The following BCL11B variants were observed in gnomAD, a reference collection of about 807,000 sequenced individuals.
BCL11B encodes B-cell lymphoma/leukemia 11B.
Under a neutral mutation model 49.9 loss-of-function variants are expected in BCL11B, and 8 were observed. The ratio of observed to expected loss-of-function variants is 0.16; its 90% CI spans 0.09 to 0.29. The LOEUF is 0.29. BCL11B is among the 10% of genes least tolerant of loss of function. The pLI is 1.00. For missense variants in BCL11B, 1,006 were observed against 1,351.0 expected (o/e 0.74, Z 4.00); for synonymous variants, 739 against 637.4 (o/e 1.16, Z -2.40).
At chr14:99,234,165 G>A (rs1326268057) in intron 2 of BCL11B, among the ~76,000 whole-genome samples, 1 of 152,114 alleles carries the variant, frequency 6.6e-6, no homozygotes, top group Non-Finnish European at 1.5e-5. Context: ...GCCAGTAGGG[G>A]TGTGAGGGGT....
intron 2 of BCL11B, among the ~76,000 whole-genome samples, chr14:99,254,452 G>T (rs1250938501): frequency 2.0e-5 from 3 of 152,150 alleles, no homozygotes; most frequent in African/African-American, 4.8e-5. Context: ...GAAGCACCTG[G>T]TAGCAAGGAA....
chr14:99,218,033 CTG>C (rs1248115285), intron 3 of BCL11B, among the ~76,000 whole-genome samples: 3 of 147,148 alleles, frequency 2.0e-5, no homozygotes, highest in Admixed American at 2.0e-4. Flanking sequence ...CTATTCAACT[CTG>C]TTAATTCTCA....
Position 99,175,219 on chromosome 14 carries a change from C to G in BCL11B, c.1617G>C (p.Glu539Asp), listed in dbSNP as rs376168981. ...EPEEEDEEEE[E>D]EEEELLLENE... The stretch of plus-strand genomic sequence containing the variant: ...TCTCCAGTAGCAGCTCCTCCTCCTC[C>G]TCCTCCTCCTCCTCGTCCTCCTCCT... The change falls in exon 4 of 4, where the codon GAG (glutamate) becomes GAC (aspartate). Residue 539 changes from glutamate (E) to aspartate (D), a missense_variant. This residue lies in a region of BCL11B where 443 missense variants were observed against 499.7 expected (regional missense o/e 0.89). Transcript: ENST00000357195. 5 of 1,550,786 alleles carry G rather than the reference C, an allele frequency of 3.2e-6. No individual in the cohort carries two copies. Among genetic ancestry groups the G allele is most frequent in the Admixed American group, 1.9e-5 (1 of 51,974 alleles).
intron 2 of BCL11B, among the ~76,000 whole-genome samples, chr14:99,250,874 A>AC (rs1333379693): frequency 6.6e-6 from 1 of 151,272 alleles, no homozygotes; most frequent in Non-Finnish European, 1.5e-5. Flanking sequence ...AGAGAAAAAA[A>AC]AAACACCCAT....
intron 3 of BCL11B, among the ~76,000 whole-genome samples, chr14:99,220,017 C>T (rs1298226609): frequency 6.6e-6 from 1 of 152,136 alleles, no homozygotes; most frequent in Non-Finnish European, 1.5e-5. Flanking sequence ...CTAACTTGGA[C>T]CAGTTGTTGC....
At chr14:99,177,941 G>A (rs1444740196) in intron 3 of BCL11B, among the ~76,000 whole-genome samples, 4 of 152,102 alleles carry the variant, frequency 2.6e-5, no homozygotes, top group Non-Finnish European at 5.9e-5. Context: ...AAGTGACTCG[G>A]GGACCAAATA....
chr14:99,221,922 C>CT (rs972384340), intron 3 of BCL11B, among the ~76,000 whole-genome samples: 19 of 152,172 alleles, frequency 1.2e-4, no homozygotes, highest in African/African-American at 4.3e-4. Flanking sequence ...GAAGGAAGAC[C>CT]TGGGGGATCC....
chr14:99,271,089 G>A, intron 1 of BCL11B, 72 bp downstream of exon 1: 7 of 1,429,906 alleles, frequency 4.9e-6, no homozygotes, highest in Non-Finnish European at 6.4e-6. Flanking sequence ...GCTGTTCCGG[G>A]CTCGGTGTCC....
chr14:99,230,462 T>G (rs762909496), intron 3 of BCL11B, among the ~76,000 whole-genome samples: 2 of 152,158 alleles, frequency 1.3e-5, no homozygotes, highest in African/African-American at 2.4e-5. Flanking sequence ...AGCATCCTGG[T>G]TTGCGTGGCC....
chr14:99,218,746 T>A (rs1887926792), intron 3 of BCL11B, among the ~76,000 whole-genome samples: 1 of 152,028 alleles, frequency 6.6e-6, no homozygotes. Context: ...AAATAAGCTG[T>A]CCACAGCTAG....
rs1889201013 is a variant in BCL11B, at chr14:99,257,516, G to A, written c.382C>T (p.Leu128Phe). Residue 128 changes from leucine (L) to phenylalanine (F), a missense_variant, in exon 2 of 4, where the codon CTC becomes TTC. Physicochemically the swap from Leu to Phe is conservative, Grantham distance 22. This residue lies in a region of BCL11B where 411 missense variants were observed against 542.2 expected (regional missense o/e 0.76). Transcript: ENST00000357195. The surrounding 1 kb of genome is among the most constrained non-coding windows in gnomAD (Gnocchi z 6.2). Reference sequence around the variant, plus strand: ...GGACAGATGCCTTTCGTGGGTGAGAGCAGGTGGTCATCTTCGTCGGGGGTG... The same window carrying A: ...GGACAGATGCCTTTCGTGGGTGAGAACAGGTGGTCATCTTCGTCGGGGGTG... ...QVTPDEDDHL[L>F]SPTKGICPKQ... The A allele has an allele frequency of 6.2e-7, 1 of 1,613,032 alleles. No homozygotes were observed.
At chr14:99,234,123 CAG>C (rs895377188) in intron 2 of BCL11B, among the ~76,000 whole-genome samples, 1 of 151,934 alleles carries the variant, frequency 6.6e-6, no homozygotes, top group African/African-American at 2.4e-5. Flanking sequence ...TCCACGGACA[CAG>C]AAAGTAGCAG....
chr14:99,174,646 C>T lies in BCL11B; in HGVS notation c.2190G>A (p.Thr730=). Reference sequence around the variant, plus strand: ...TGGCGAAGGGCGACTGTCGTGCGTCCGTGAAGCCCAGGAAGGGGTCCTTCA... The same window carrying T: ...TGGCGAAGGGCGACTGTCGTGCGTCTGTGAAGCCCAGGAAGGGGTCCTTCA... ...HFMKDPFLGF[T]DARQSPFATS... Residue 730 remains threonine (T), a synonymous_variant, in exon 4 of 4, where the codon ACG becomes ACA. Transcript: ENST00000357195. 1 of 1,577,378 alleles carries T rather than the reference C, an allele frequency of 6.3e-7. No homozygotes were observed.
At chr14:99,266,978 G>A (rs1245992169) in intron 1 of BCL11B, among the ~76,000 whole-genome samples, 2 of 152,160 alleles carry the variant, frequency 1.3e-5, no homozygotes, top group Admixed American at 6.6e-5. Context: ...ATCTGTAAAC[G>A]ACTGTTTTCT....
chr14:99,265,774 C>G (rs1228399662), intron 1 of BCL11B, among the ~76,000 whole-genome samples: 1 of 152,160 alleles, frequency 6.6e-6, no homozygotes, highest in African/African-American at 2.4e-5. Flanking sequence ...AGTGAAGGCT[C>G]TTTCTCCAGC....
At position 99,271,323 on chromosome 14, in the gene BCL11B, C is replaced by CCGCT; in HGVS notation, c.-106_-105insAGCG. ...GCGCCGCTGCCGCCGCTGCCGCCGCCGCCGCCGCCGCCGCACCTCCTCCTC... is the reference window on the plus strand; with the variant it reads ...GCGCCGCTGCCGCCGCTGCCGCCGCCCGCTGCCGCCGCCGCCGCACCTCCTCCTC... On this transcript the variant is annotated 5_prime_UTR_variant, in exon 1 of 4. Coordinates refer to ENST00000357195, the MANE Select transcript of BCL11B (RefSeq NM_138576.4). 1 of 410,542 alleles carries CCGCT rather than the reference C, an allele frequency of 2.4e-6. No individual in the cohort carries two copies. Among genetic ancestry groups the CCGCT allele is most frequent in the Non-Finnish European group, 3.8e-6 (1 of 264,558 alleles). 25.4% of individuals were successfully genotyped at this position (410,542 alleles called of 1,614,324 possible). A position where few individuals can be genotyped will look rare whatever the true frequency, so the allele number is the denominator to read the frequency against.
chr14:99,219,474 G>A (rs1434522987), intron 3 of BCL11B, among the ~76,000 whole-genome samples: 1 of 152,100 alleles, frequency 6.6e-6, no homozygotes, highest in African/African-American at 2.4e-5. Context: ...GATATACAAA[G>A]GACCCAAGGC....
In BCL11B at chr14:99,202,375, T is replaced by C. The variant is rs535314244; in HGVS notation, c.641-26180A>G. On this transcript the variant is annotated intron_variant, in intron 3 of 3. Coordinates refer to ENST00000357195, the MANE Select transcript of BCL11B (RefSeq NM_138576.4). ...CTCTAAGAGTTCTTTTCTCCTGCTT[T>C]TTCTTTTAATAGGCCTATCCCAGGA... 4.6e-5 allele frequency among the ~76,000 whole-genome samples: 7 copies of C among 152,316 alleles called. No homozygotes were observed. The South Asian group carries it at 1.5e-3, about 32-fold the overall frequency.
At chr14:99,215,910 G>A (rs1194280905) in intron 3 of BCL11B, among the ~76,000 whole-genome samples, 1 of 152,162 alleles carries the variant, frequency 6.6e-6, no homozygotes, top group Non-Finnish European at 1.5e-5. Flanking sequence ...AGGGAAGTAG[G>A]GGCGAGACGC....
Sources: allele counts gnomAD v4.1 joint callset (sites outside exome capture counted in the v4.1 genomes callset), GRCh38; gene constraint gnomAD v4.1.1; regional missense constraint gnomAD v4.1.1; non-coding constraint Gnocchi (gnomAD v3.1); transcripts MANE v1.5; gene names NCBI Gene and HGNC (gene_info 2026-07-23, HGNC 2026-07-21).